NAA50: variants seen among roughly 807,000 people sequenced by gnomAD.
NAA50 encodes N-alpha-acetyltransferase 50.
NAA50 carries 7 observed loss-of-function variants against 20.7 expected under a neutral mutation model. The ratio of observed to expected loss-of-function variants is 0.34; its 90% CI spans 0.19 to 0.63. The LOEUF (loss-of-function observed/expected upper bound fraction) is 0.63, where lower values mean the gene tolerates loss of function less well. Ranked by LOEUF, NAA50 falls within the 30% of genes least tolerant of loss-of-function variation. The pLI, the probability that NAA50 is intolerant of heterozygous loss-of-function variation, is 0.75. For synonymous variants in NAA50, 54 were observed against 70.6 expected, an observed-to-expected ratio of 0.77 and a Z score of 1.18; for missense variants, 111 against 199.1, an observed-to-expected ratio of 0.56 and a Z score of 2.66.
At chr3:113,722,025 G>T in intron 4 of NAA50, 88 bp from the exon 5 acceptor site, 1 of 1,223,212 alleles carries the variant, frequency 8.2e-7, no homozygotes, top group Non-Finnish European at 1.1e-6. Context: ...CCAAACATCT[G>T]TTACATTCTC....
intron 1 of NAA50, among the ~76,000 whole-genome samples, chr3:113,727,155 C>A (rs889250241): frequency 6.6e-6 from 1 of 152,154 alleles, no homozygotes; most frequent in African/African-American, 2.4e-5. Context: ...ACACTGTCTC[C>A]TGTTTAACTT....
intron 1 of NAA50, among the ~76,000 whole-genome samples, chr3:113,730,798 T>C (rs974452430): frequency 2.6e-5 from 4 of 152,242 alleles, no homozygotes; most frequent in African/African-American, 7.2e-5. Flanking sequence ...TGGTATTCCA[T>C]TATGTGGATG....
At chr3:113,723,804 C>G (rs1708165894) in intron 2 of NAA50, among the ~76,000 whole-genome samples, 155 bp downstream of exon 2, 1 of 152,116 alleles carries the variant, frequency 6.6e-6, no homozygotes, top group South Asian at 2.1e-4. Flanking sequence ...CAACTGATTT[C>G]TCTGAGATTT....
At chr3:113,735,839 T>C (rs1025769163) in intron 1 of NAA50, among the ~76,000 whole-genome samples, 1 of 152,202 alleles carries the variant, frequency 6.6e-6, no homozygotes, top group Non-Finnish European at 1.5e-5. Flanking sequence ...CCCGCCACCA[T>C]GCCCAGCTAA....
chr3:113,744,931 T>G (rs1274784186), intron 1 of NAA50, among the ~76,000 whole-genome samples: 2 of 152,210 alleles, frequency 1.3e-5, no homozygotes, highest in Non-Finnish European at 2.9e-5. Flanking sequence ...ATTGAATAGT[T>G]GGAATGACTT....
rs916962961 is a variant in NAA50 at position 113,719,275 on chromosome 3, C to A, written c.*2485G>T. On this transcript the variant is annotated 3_prime_UTR_variant, in exon 5 of 5. Transcript: ENST00000240922. ...GACAAACTATATATTGCATAGATTT[C>A]TCTACAGATTCTTTGCTTTAAAACC... The A allele has an allele frequency of 1.3e-5, 2 of 152,586 alleles. No individual in the cohort carries two copies. The highest frequency in any genetic ancestry group is 4.8e-5 in the African/African-American group (2 of 41,432). The allele number at this position is 152,586 out of a possible 1,614,324, so 9.5% of individuals were successfully genotyped here.
In NAA50 at chr3:113,722,976, T is replaced by G; in HGVS notation, c.266-4A>C. On this transcript the variant is annotated splice_polypyrimidine_tract_variant and splice_region_variant and intron_variant, in intron 3 of 4. Transcript: ENST00000240922. ...ACATGATTTAACATTTTAGTTCCTG[T>G]TAATAAAATAAATAACAAACACGTG... The G allele has an allele frequency of 2.0e-6, 3 of 1,521,704 alleles. No individual in the cohort carries two copies. The highest frequency in any genetic ancestry group is 2.8e-5 in the African/African-American group (2 of 72,008). The allele number at this position is 1,521,704 out of a possible 1,614,324, so 94.3% of individuals were successfully genotyped here.
In NAA50 at chr3:113,723,987, C is replaced by T. The variant is rs1222658519; in HGVS notation, c.117G>A (p.Val39=). 6.2e-7 allele frequency: 1 copy of T among 1,602,714 alleles called. No individual in the cohort carries two copies. The highest frequency in any genetic ancestry group is 1.7e-5 in the Admixed American group (1 of 58,954). Residue 39 remains valine (V), a synonymous_variant, in exon 2 of 5, where the codon GTG becomes GTA. Transcript: ENST00000240922. The part of the protein sequence containing the change: ...VSYNDKFYKD[V]LEVGELAKLA... The stretch of plus-strand genomic sequence containing the variant: ...GTTTTGCTAGCTCGCCAACCTCCAG[C>T]ACATCCTTGTAGAACTTGTCATTGT...
chr3:113,739,181 T>C (rs1254757477), intron 1 of NAA50, among the ~76,000 whole-genome samples: 2 of 152,240 alleles, frequency 1.3e-5, no homozygotes, highest in East Asian at 3.8e-4. Context: ...GTAAGGAAGC[T>C]ATTAGTTATT....
intron 1 of NAA50, among the ~76,000 whole-genome samples, chr3:113,727,245 G>T (rs774864715): frequency 5.3e-5 from 8 of 152,090 alleles, no homozygotes; most frequent in Non-Finnish European, 1.0e-4. Flanking sequence ...TTAAAAAAAA[G>T]TCTTAGTATT....
intron 3 of NAA50, 116 bp from the exon 4 acceptor site, chr3:113,723,088 C>T (rs1358874983): frequency 1.5e-6 from 2 of 1,294,144 alleles, no homozygotes; most frequent in South Asian, 3.4e-5. Context: ...ATGAGGTATA[C>T]ACTAGATATC....
In NAA50 at chr3:113,725,020, T is replaced by C. The variant is rs187015485; in HGVS notation, c.9-925A>G. Among the ~76,000 whole-genome samples, 62 of 152,318 alleles carry C rather than the reference T, an allele frequency of 4.1e-4. 2 individuals carry two copies. The highest frequency in any genetic ancestry group is 1.2e-3 in the Admixed American group (18 of 15,304). On this transcript the variant is annotated intron_variant, in intron 1 of 4. Transcript: ENST00000240922. ...TTACCCAGTCTCGGGTATGTCTTTA[T>C]TAGCAGCATGAGAAAGGACTAATAA...
chr3:113,734,801 T>C (rs1241067460), intron 1 of NAA50, among the ~76,000 whole-genome samples: 1 of 152,238 alleles, frequency 6.6e-6, no homozygotes. Flanking sequence ...ATCTTTGCTT[T>C]TGGAATAAAC....
At chr3:113,736,888 C>G (rs1197827427) in intron 1 of NAA50, among the ~76,000 whole-genome samples, 2 of 152,056 alleles carry the variant, frequency 1.3e-5, no homozygotes, top group African/African-American at 2.4e-5. Flanking sequence ...AAGCTTAAAG[C>G]CTGTTTATAC....
At chr3:113,731,089 A>G (rs1429498868) in intron 1 of NAA50, among the ~76,000 whole-genome samples, 1 of 152,202 alleles carries the variant, frequency 6.6e-6, no homozygotes, top group Non-Finnish European at 1.5e-5. Context: ...CCTAAATAAT[A>G]AATGAAGTGA....
In NAA50 at chr3:113,723,474, T is replaced by G. The variant is rs749951338; in HGVS notation, c.213A>C (p.Arg71Ser). The G allele has an allele frequency of 1.9e-6, 3 of 1,613,086 alleles. No homozygotes were observed. Among genetic ancestry groups the G allele is most frequent in the Admixed American group, 1.7e-5 (1 of 59,954 alleles). ...CRVDHSQNQK[R>S]LYIMTLGCLA... Reference sequence around the variant, plus strand: ...GACATCCTAGTGTCATGATGTAAAGTCTCTTCTGATTCTGTGAATGATCCA... The same window carrying G: ...GACATCCTAGTGTCATGATGTAAAGGCTCTTCTGATTCTGTGAATGATCCA... The change falls in exon 3 of 5, where the codon AGA becomes AGC. Residue 71 changes from arginine (R) to serine (S), a missense_variant. By Grantham distance (110) the Arg-to-Ser change is moderately radical. Coordinates refer to ENST00000240922, the MANE Select transcript of NAA50 (RefSeq NM_025146.4).
intron 1 of NAA50, among the ~76,000 whole-genome samples, chr3:113,732,952 A>G (rs915657297): frequency 1.3e-5 from 2 of 151,176 alleles, no homozygotes; most frequent in African/African-American, 4.9e-5. Context: ...GTGATGTGAT[A>G]TCTCATTGGA....
intron 1 of NAA50, among the ~76,000 whole-genome samples, chr3:113,738,989 C>T (rs1708378829): frequency 6.6e-6 from 1 of 152,038 alleles, no homozygotes; most frequent in Non-Finnish European, 1.5e-5. Flanking sequence ...ATCATCATCC[C>T]AATTAATAAC....
intron 1 of NAA50, among the ~76,000 whole-genome samples, chr3:113,745,139 T>G (rs915232063): frequency 6.6e-6 from 1 of 152,166 alleles, no homozygotes; most frequent in African/African-American, 2.4e-5. Context: ...TAAGGAGACA[T>G]TTCATAAAAA....
Sources: gnomAD v4.1 joint callset for allele counts (sites outside exome capture counted in the v4.1 genomes callset) on GRCh38, gnomAD v4.1.1 for gene constraint, MANE v1.5 for transcripts, NCBI Gene and HGNC (gene_info 2026-07-23, HGNC 2026-07-21) for gene names.